Variants in STK24 observed in about 807,000 individuals in gnomAD.
The protein encoded by STK24 is serine/threonine kinase 24.
Under a neutral mutation model 55.6 loss-of-function variants are expected in STK24, and 21 were observed. The observed-to-expected ratio is 0.38, with a 90% CI of 0.27 to 0.54. The LOEUF (loss-of-function observed/expected upper bound fraction) is 0.54, where lower values mean the gene tolerates loss of function less well. Ranked by LOEUF, STK24 falls within the 20% of genes least tolerant of loss-of-function variation. The pLI is 0.79. For synonymous variants in STK24, 200 were observed against 215.2 expected (o/e 0.93, Z 0.62); for missense variants, 383 against 538.4 (o/e 0.71, Z 2.86).
At chr13:98,466,170 TA>T (rs1159056167) in intron 6 of STK24, among the ~76,000 whole-genome samples, 1 of 152,164 alleles carries the variant, frequency 6.6e-6, no homozygotes, top group Non-Finnish European at 1.5e-5. Context: ...GGCAGAAATC[TA>T]AAAGAAAATA....
rs74844910 is a variant in STK24, at chr13:98,450,948, G to C, written c.*2225C>G. 859 of 152,288 alleles carry C rather than the reference G, an allele frequency of 5.6e-3. 8 individuals are homozygous for C. The highest frequency in any genetic ancestry group is 0.02 in the African/African-American group (816 of 41,526). 9.4% of individuals were successfully genotyped at this position (152,288 alleles called of 1,614,324 possible). ...AACTCCATCAAACCCCACCTCCCCCGACAGGAAATGCTGCCAGTCAACTCT... is the reference window on the plus strand; with the variant it reads ...AACTCCATCAAACCCCACCTCCCCCCACAGGAAATGCTGCCAGTCAACTCT... On this transcript the variant is annotated 3_prime_UTR_variant, in exon 11 of 11. Transcript: ENST00000539966.
In STK24 at chr13:98,448,743, GTT is replaced by G. The variant is rs1893028251; in HGVS notation, c.*4428_*4429del. On this transcript the variant is annotated 3_prime_UTR_variant, in exon 11 of 11. Transcript: ENST00000539966. The stretch of plus-strand genomic sequence containing the variant: ...TTACGAAGTGGACTTCCCGGTGTTT[GTT>G]TGTTTGTTTGCAATACACTCAGTGC... 4 of 159,536 alleles carry G rather than the reference GTT, an allele frequency of 2.5e-5. 1 individual carries two copies. The highest frequency in any genetic ancestry group is 4.8e-5 in the African/African-American group (2 of 41,318). The allele number at this position is 159,536 out of a possible 1,614,324, so 9.9% of individuals were successfully genotyped here.
chr13:98,477,674 C>CAA (rs34403507), intron 3 of STK24, among the ~76,000 whole-genome samples: 41 of 91,926 alleles, frequency 4.5e-4, no homozygotes, highest in African/African-American at 1.4e-3. Flanking sequence ...GATTCCGTCT[C>CAA]AAAAAAAAAA....
chr13:98,476,702 C>T (rs1042950839), intron 3 of STK24, among the ~76,000 whole-genome samples: 1 of 152,190 alleles, frequency 6.6e-6, no homozygotes, highest in Non-Finnish European at 1.5e-5. Flanking sequence ...CCCTTGTCAC[C>T]GAAACCACAG....
At chr13:98,552,671 G>T (rs1301488652) in intron 1 of STK24, among the ~76,000 whole-genome samples, 1 of 152,106 alleles carries the variant, frequency 6.6e-6, no homozygotes, top group Non-Finnish European at 1.5e-5. Flanking sequence ...AACCCCAAGG[G>T]CAGGCAGCTT....
At chr13:98,519,817 G>A (rs772152498) in intron 1 of STK24, among the ~76,000 whole-genome samples, 7 of 152,062 alleles carry the variant, frequency 4.6e-5, no homozygotes, top group Non-Finnish European at 1.0e-4. Flanking sequence ...CAGACTTATC[G>A]AAAAATCACT....
At chr13:98,568,406 C>A (rs908802315) in intron 1 of STK24, among the ~76,000 whole-genome samples, 4 of 152,158 alleles carry the variant, frequency 2.6e-5, no homozygotes, top group African/African-American at 9.7e-5. Flanking sequence ...TCAAAGTCAG[C>A]CACAGAAGTG....
rs1307995039 is a variant in STK24, at chr13:98,450,350, A to AGAG, written c.*2822_*2823insCTC. The AGAG allele has an allele frequency of 3.3e-5, 5 of 152,372 alleles. No individual in the cohort carries two copies. The highest frequency in any genetic ancestry group is 4.1e-4 in the South Asian group (2 of 4,832). The allele number at this position is 152,372 out of a possible 1,614,324, so 9.4% of individuals were successfully genotyped here. A position where few individuals can be genotyped will look rare whatever the true frequency, so the allele number is the denominator to read the frequency against. On this transcript the variant is annotated 3_prime_UTR_variant, in exon 11 of 11. Coordinates refer to ENST00000539966, the MANE Select transcript of STK24 (RefSeq NM_001032296.4). ...GGAGGGAAATATAAAAAATGTTTAT[A>AGAG]AACTGACAGTGTTTTGCCAGAGGAA... is the stretch of plus-strand genomic sequence containing the variant.
intron 1 of STK24, among the ~76,000 whole-genome samples, chr13:98,559,380 T>C (rs1897358033): frequency 6.6e-6 from 1 of 152,118 alleles, no homozygotes; most frequent in Admixed American, 6.6e-5. Flanking sequence ...TAAAGGGCAG[T>C]TCCCCTGCAC....
At chr13:98,528,557 C>T (rs146183468) in intron 1 of STK24, among the ~76,000 whole-genome samples, 106 of 152,324 alleles carry the variant, frequency 7.0e-4, no homozygotes, top group African/African-American at 2.5e-3. Flanking sequence ...TTCCACAATA[C>T]AACACAACAC....
At chr13:98,496,177 G>C (rs1239595439) in intron 2 of STK24, among the ~76,000 whole-genome samples, 1 of 152,206 alleles carries the variant, frequency 6.6e-6, no homozygotes, top group Non-Finnish European at 1.5e-5. Context: ...CTGATGCAGG[G>C]AAGTGAGGAC....
At chr13:98,463,667 T>C in intron 7 of STK24, 24 bp downstream of exon 7, 1 of 1,609,580 alleles carries the variant, frequency 6.2e-7, no homozygotes. Context: ...CACACATGCT[T>C]GGGTCACTCA....
intron 10 of STK24, chr13:98,454,485 TACATAAGGTCCTCCCAAAAGCAC>T (rs902167921): frequency 2.0e-5 from 3 of 152,184 alleles, no homozygotes; most frequent in African/African-American, 7.2e-5. Flanking sequence ...AACAAATGGT[TACATAAGGTCCTCCCAAAAGCAC>T]ACATTAGCCA....
At position 98,453,068 on chromosome 13, in the gene STK24, C is replaced by T. The variant is rs149674973; in HGVS notation, c.*105G>A. The stretch of plus-strand genomic sequence containing the variant: ...CTGGCGCTGGGGTGGCTCCCAGTGG[C>T]GCACCTCTTCGGTGGAGTCAGCGAA... On this transcript the variant is annotated 3_prime_UTR_variant, in exon 11 of 11. Coordinates refer to ENST00000539966, the MANE Select transcript of STK24 (RefSeq NM_001032296.4). The T allele has an allele frequency of 7.0e-4, 950 of 1,360,178 alleles. 1 individual carries two copies. The highest frequency in any genetic ancestry group is 5.4e-3 in the East Asian group (224 of 41,756). The allele number at this position is 1,360,178 out of a possible 1,614,324, so 84.3% of individuals were successfully genotyped here.
intron 2 of STK24, among the ~76,000 whole-genome samples, chr13:98,502,768 T>C (rs186068924): frequency 4.5e-4 from 69 of 152,288 alleles, no homozygotes; most frequent in Non-Finnish European, 9.4e-4. Flanking sequence ...ATACATTTCC[T>C]TATAAATCAC....
intron 1 of STK24, among the ~76,000 whole-genome samples, chr13:98,574,390 G>C (rs985907476): frequency 6.6e-6 from 1 of 152,186 alleles, no homozygotes; most frequent in Non-Finnish European, 1.5e-5. Flanking sequence ...GAAGAGATAC[G>C]GACTTCTCTC....
intron 1 of STK24, among the ~76,000 whole-genome samples, chr13:98,529,554 A>G (rs1389742577): frequency 6.6e-6 from 1 of 152,116 alleles, no homozygotes; most frequent in Admixed American, 6.5e-5. Context: ...TTGTCATCCA[A>G]CTTCTTAATA....
chr13:98,457,111 TC>T, intron 10 of STK24, 56 bp downstream of exon 10: 1 of 1,582,674 alleles, frequency 6.3e-7, no homozygotes, highest in South Asian at 1.1e-5. Context: ...ATCAACTAAG[TC>T]CCAGCCCAAG....
At chr13:98,560,635 T>C (rs1458373352) in intron 1 of STK24, among the ~76,000 whole-genome samples, 1 of 152,112 alleles carries the variant, frequency 6.6e-6, no homozygotes, top group Non-Finnish European at 1.5e-5. Context: ...TCCCAGCACT[T>C]TGGAAAGCCG....
Sources: gnomAD v4.1 joint callset for allele counts (sites outside exome capture counted in the v4.1 genomes callset) on GRCh38, gnomAD v4.1.1 for gene constraint, MANE v1.5 for transcripts, NCBI Gene and HGNC (gene_info 2026-07-23, HGNC 2026-07-21) for gene names.